Variants in TEP1 observed in about 807,000 individuals in gnomAD.
The protein encoded by TEP1 is telomerase protein component 1.
In TEP1, 241 loss-of-function variants were observed where a neutral mutation model predicts 306.3. The observed-to-expected ratio is 0.79, with a 90% CI of 0.71 to 0.88. The LOEUF is 0.88. TEP1 is among the 40% of genes least tolerant of loss of function. TEP1 has a pLI of 0.00. For synonymous variants in TEP1, 1,289 were observed against 1,305.5 expected, an observed-to-expected ratio of 0.99 and a Z score of 0.27; for missense variants, 3,051 against 3,276.1, an observed-to-expected ratio of 0.93 and a Z score of 1.68.
intron 35 of TEP1, 84 bp from the exon 36 acceptor site, chr14:20,379,189 A>C (rs1475786238): frequency 6.5e-6 from 10 of 1,539,664 alleles, no homozygotes; most frequent in African/African-American, 1.4e-5. Context: ...CCCAAAAAGA[A>C]GGCCAAGGCA....
chr14:20,380,031 A>T lies in TEP1; in HGVS notation c.5026T>A (p.Ser1676Thr), dbSNP rs748573909. The change falls in exon 35 of 55, where the codon TCC becomes ACC. Residue 1676 changes from serine to threonine, a missense_variant. Physicochemically the swap from Ser to Thr is moderately conservative, Grantham distance 58 (BLOSUM62 1). This residue lies in a region of TEP1 where 1,540 missense variants were observed against 1,705.9 expected (regional missense o/e 0.90). Coordinates refer to ENST00000262715, the MANE Select transcript of TEP1 (RefSeq NM_007110.5). ...AAGGCCACAGCAGTAGGGGATGAGG[A>T]AACTGCCAGAGACAGGCTGGAGCTA... is the stretch of plus-strand genomic sequence containing the variant. ...QQSSSLSLAV[S>T]SSPTAVAFST... 4 of 1,613,630 alleles carry T rather than the reference A, an allele frequency of 2.5e-6. No individual in the cohort carries two copies. In the South Asian group the frequency reaches 4.4e-5, roughly 18 times the overall value.
At position 20,408,093 on chromosome 14, in the gene TEP1, G is replaced by A. The variant is rs375280462; in HGVS notation, c.347C>T (p.Ser116Phe). 1.2e-6 allele frequency: 2 copies of A among 1,614,168 alleles called. No individual in the cohort carries two copies. Among genetic ancestry groups the A allele is most frequent in the South Asian group, 2.2e-5 (2 of 91,072 alleles). Residue 116 changes from serine (S) to phenylalanine (F), a missense_variant, in exon 2 of 55, where the codon TCT becomes TTT. This residue lies in a region of TEP1 where 1,507 missense variants were observed against 1,550.5 expected (regional missense o/e 0.97). Transcript: ENST00000262715. The part of the protein sequence containing the change: ...SLENRCLATL[S>F]SLKSTVSASP... ...GGCAGACACAGTGCTCTTTAGACTA[G>A]AGAGGGTGGCCAGGCACCGGTTCTC... is the stretch of plus-strand genomic sequence containing the variant.
Position 20,368,120 on chromosome 14 carries a change from G to A in TEP1, c.*317C>T, listed in dbSNP as rs746688175. On this transcript the variant is annotated 3_prime_UTR_variant, in exon 55 of 55. Transcript: ENST00000262715. ...GGCATCCTAGGGTCCTAGGGCCCGC[G>A]AGTGATGCAAGAATTCTAAAACCTA... The A allele has an allele frequency of 3.9e-5, 8 of 203,810 alleles. No individual in the cohort carries two copies. Among genetic ancestry groups the A allele is most frequent in the Admixed American group, 1.6e-4 (3 of 19,158 alleles). 12.6% of individuals were successfully genotyped at this position (203,810 alleles called of 1,614,324 possible).
At chr14:20,400,806 C>T (rs1878648615) in intron 9 of TEP1, 178 bp downstream of exon 9, 1 of 719,412 alleles carries the variant, frequency 1.4e-6, no homozygotes, top group Non-Finnish European at 2.2e-6. Context: ...CAACATTACT[C>T]AAAGCAGGTA....
chr14:20,405,822 T>C (rs529088324), intron 3 of TEP1, among the ~76,000 whole-genome samples: 42 of 152,194 alleles, frequency 2.8e-4, no homozygotes, highest in Non-Finnish European at 5.3e-4. Context: ...GAGAGCAGCC[T>C]GGCCAACATG....
Position 20,369,085 on chromosome 14 carries a change from G to A in TEP1, c.7657-183C>T, listed in dbSNP as rs912305251. Among the ~76,000 whole-genome samples, 78 of 151,618 alleles carry A rather than the reference G, an allele frequency of 5.1e-4. 1 individual carries two copies. Among genetic ancestry groups the A allele is most frequent in the African/African-American group, 1.6e-3 (68 of 41,292 alleles). On this transcript the variant is annotated intron_variant, in intron 53 of 54. Transcript: ENST00000262715. ...TGCAGTGGCGCAATCTCGGCTCACC[G>A]CAAGCTCTGCCTCCCGGGTTCACAC...
rs754854724 is a variant in TEP1, at chr14:20,381,446, C to T, written c.4559-45G>A. On this transcript the variant is annotated intron_variant, in intron 31 of 54. Coordinates refer to ENST00000262715, the MANE Select transcript of TEP1 (RefSeq NM_007110.5). This position sits in a 1 kb window ranked among gnomAD's most constrained non-coding sequence, Gnocchi z 4.0. ...GAAAGGCTCAGCCCTGCATCATTCC[C>T]AAGGGCAGTAGGTGAGCTGGCCAGC... 4.5e-5 allele frequency: 73 copies of T among 1,613,012 alleles called. No individual in the cohort carries two copies. In the Admixed American group the frequency reaches 1.2e-3, roughly 27 times the overall value.
chr14:20,378,042 C>G lies in TEP1; in HGVS notation c.5703G>C (p.Thr1901=). 1 of 1,613,530 alleles carries G rather than the reference C, an allele frequency of 6.2e-7. No homozygotes were observed. The highest frequency in any genetic ancestry group is 1.1e-5 in the South Asian group (1 of 91,072). ...AGCTGACCTTGCCATCCTCTCCAGCCGTCAGTAACTGGCAACCCGCATGCA... is the reference window on the plus strand; with the variant it reads ...AGCTGACCTTGCCATCCTCTCCAGCGGTCAGTAACTGGCAACCCGCATGCA... ...LFLHAGCQLL[T]AGEDGKVQVW... is the part of the protein sequence containing the mutation. The change falls in exon 39 of 55, where the codon ACG becomes ACC. Residue 1901 remains threonine, a synonymous_variant. Coordinates refer to ENST00000262715, the MANE Select transcript of TEP1 (RefSeq NM_007110.5).
chr14:20,379,461 G>A (rs751840091), intron 35 of TEP1, among the ~76,000 whole-genome samples: 4 of 152,210 alleles, frequency 2.6e-5, no homozygotes, highest in African/African-American at 9.6e-5. Context: ...CCATAAGCAC[G>A]CTGTGCTGCC....
rs1876476872 is a variant in TEP1 at position 20,381,038 on chromosome 14, C to T, written c.4655G>A (p.Ser1552Asn). 2 of 1,613,818 alleles carry T rather than the reference C, an allele frequency of 1.2e-6. No individual in the cohort carries two copies. Among genetic ancestry groups the T allele is most frequent in the Non-Finnish European group, 8.5e-7 (1 of 1,179,872 alleles). The part of the protein sequence containing the change: ...LGDLPYHLLQ[S>N]GNRGLLSKFL... ...CTTCGAAAGAAGTCCACGGTTCCCG[C>T]TCTGGAGCTGAGAAGGTCAGATTGA... Residue 1552 changes from serine to asparagine, a missense_variant, in exon 33 of 55, where the codon AGC (serine) becomes AAC (asparagine). Physicochemically the swap from Ser to Asn is conservative, Grantham distance 46 (BLOSUM62 1). Coordinates refer to ENST00000262715, the MANE Select transcript of TEP1 (RefSeq NM_007110.5). The surrounding 1 kb of genome is among the most constrained non-coding windows in gnomAD (Gnocchi z 4.0).
At chr14:20,408,753 G>A (rs1210745964) in intron 1 of TEP1, among the ~76,000 whole-genome samples, 1 of 151,862 alleles carries the variant, frequency 6.6e-6, no homozygotes, top group African/African-American at 2.4e-5. Flanking sequence ...GATTCCTTGA[G>A]CCCAAGAGTT....
At chr14:20,374,619 G>T in intron 43 of TEP1, 83 bp from the exon 44 acceptor site, 1 of 914,604 alleles carries the variant, frequency 1.1e-6, no homozygotes, top group Non-Finnish European at 1.6e-6. Context: ...GTGGAAGGCG[G>T]TTAGCCACGT....
Position 20,413,497 on chromosome 14 carries a change from G to A in TEP1, c.-117C>T, listed in dbSNP as rs1879829088. The stretch of plus-strand genomic sequence containing the variant: ...GCAGCCGGGGGAGGAGCCGGATGCG[G>A]ATCTGAGAAGAGACGGTGCGGGCGG... On this transcript the variant is annotated 5_prime_UTR_variant, in exon 1 of 55. Transcript: ENST00000262715. 1 of 152,330 alleles carries A rather than the reference G, an allele frequency of 6.6e-6. No individual in the cohort carries two copies. Among genetic ancestry groups the A allele is most frequent in the African/African-American group, 2.4e-5 (1 of 41,468 alleles). 9.4% of individuals were successfully genotyped at this position (152,330 alleles called of 1,614,324 possible). A position where few individuals can be genotyped will look rare whatever the true frequency, so the allele number is the denominator to read the frequency against.
At chr14:20,402,259 G>A (rs1415723590) in intron 7 of TEP1, among the ~76,000 whole-genome samples, 1 of 152,172 alleles carries the variant, frequency 6.6e-6, no homozygotes, top group Non-Finnish European at 1.5e-5. Context: ...AGTAAGCCAA[G>A]ACAGCACCAC....
At chr14:20,369,109 A>G (rs1884661118) in intron 53 of TEP1, among the ~76,000 whole-genome samples, 1 of 151,326 alleles carries the variant, frequency 6.6e-6, no homozygotes, top group South Asian at 2.1e-4. Flanking sequence ...CCGGGTTCAC[A>G]CCATTCTCCT....
intron 1 of TEP1, among the ~76,000 whole-genome samples, chr14:20,410,327 G>T (rs979993469): frequency 3.3e-5 from 5 of 152,060 alleles, no homozygotes; most frequent in African/African-American, 9.7e-5. Flanking sequence ...CCCTGCTAGA[G>T]CCAGATGTGG....
intron 12 of TEP1, 92 bp downstream of exon 12, chr14:20,395,358 C>G: frequency 2.2e-6 from 3 of 1,353,024 alleles, no homozygotes; most frequent in Non-Finnish European, 3.0e-6. Context: ...CAAACCTTTA[C>G]AGAAAAACAG....
intron 54 of TEP1, 38 bp downstream of exon 54, chr14:20,368,760 G>GCACACACA (rs1488896797): frequency 8.4e-6 from 11 of 1,303,458 alleles, no homozygotes; most frequent in Admixed American, 4.4e-5. Context: ...GTGTGCAGGC[G>GCACACACA]CACGCACACA....
Position 20,387,903 on chromosome 14 carries a change from A to T in TEP1, c.2684+2T>A. On this transcript the variant is annotated splice_donor_variant, in intron 18 of 54. Coordinates refer to ENST00000262715, the MANE Select transcript of TEP1 (RefSeq NM_007110.5). LOFTEE classifies it high-confidence loss of function. ...CACAAAGGCATAGAAACACAGACTG[A>T]CCCTTGCTGGGAAACAGGAGCCAAG... 2 of 1,601,326 alleles carry T rather than the reference A, an allele frequency of 1.2e-6. No individual in the cohort carries two copies. Among genetic ancestry groups the T allele is most frequent in the Non-Finnish European group, 1.7e-6 (2 of 1,175,928 alleles).
Sources: allele counts gnomAD v4.1 joint callset (sites outside exome capture counted in the v4.1 genomes callset), GRCh38; gene constraint gnomAD v4.1.1; regional missense constraint gnomAD v4.1.1; non-coding constraint Gnocchi (gnomAD v3.1); transcripts MANE v1.5; gene names NCBI Gene and HGNC (gene_info 2026-07-23, HGNC 2026-07-21).